ABCC11: variants seen among roughly 807,000 people sequenced by gnomAD.
ABCC11 encodes ATP-binding cassette sub-family C member 11.
Under a neutral mutation model 149.3 loss-of-function variants are expected in ABCC11, and 135 were observed. That is an observed-to-expected ratio of 0.90 (90% CI 0.79 to 1.04). The LOEUF (loss-of-function observed/expected upper bound fraction) is 1.04. Ranked by LOEUF, ABCC11 falls within the 50% of genes least tolerant of loss-of-function variation. ABCC11 has a pLI of 0.00. For missense variants in ABCC11, 1,680 were observed against 1,722.1 expected (o/e 0.98, Z 0.43); for synonymous variants, 665 against 671.4 (o/e 0.99, Z 0.15).
At chr16:48,231,068 AAG>A (rs1970387028) in intron 2 of ABCC11, among the ~76,000 whole-genome samples, 1 of 152,120 alleles carries the variant, frequency 6.6e-6, no homozygotes, top group South Asian at 2.1e-4. Context: ...GATTGACAGA[AAG>A]AGATTCAGAA....
chr16:48,242,214 C>A (rs912562429), intron 1 of ABCC11, among the ~76,000 whole-genome samples: 3 of 152,114 alleles, frequency 2.0e-5, no homozygotes, highest in Admixed American at 1.3e-4. Flanking sequence ...AATCAAACAA[C>A]CCCATCTAAA....
intron 7 of ABCC11, 110 bp downstream of exon 7, chr16:48,216,004 G>A (rs1969315149): frequency 8.4e-7 from 1 of 1,195,508 alleles, no homozygotes; most frequent in Admixed American, 2.0e-5. Context: ...TAACCACAAT[G>A]GATTGAAAGG....
At chr16:48,171,802 A>G (rs1965740932) in intron 26 of ABCC11, among the ~76,000 whole-genome samples, 1 of 152,070 alleles carries the variant, frequency 6.6e-6, no homozygotes, top group Non-Finnish European at 1.5e-5. Context: ...CACTCCACTA[A>G]AAATACAAAA....
chr16:48,226,573 G>A (rs755115395), intron 4 of ABCC11, among the ~76,000 whole-genome samples: 6 of 152,026 alleles, frequency 3.9e-5, no homozygotes, highest in Non-Finnish European at 7.4e-5. Context: ...CACTGCACCC[G>A]GCCAATCCAT....
chr16:48,227,953 G>A lies in ABCC11; in HGVS notation c.248C>T (p.Pro83Leu). ...PFRPKPRFPA[P>L]QPLDNAGLFS... ...CAGGCCAGCATTGTCCAGGGGCTGG[G>A]GGGCAGGAAACCTAGTAGAGGGGCC... Residue 83 changes from proline (P) to leucine (L), a missense_variant, in exon 4 of 30, where the codon CCC (proline) becomes CTC (leucine). By Grantham distance (98) the Pro-to-Leu change is moderately conservative (BLOSUM62 -3). Coordinates refer to ENST00000356608, the MANE Select transcript of ABCC11 (RefSeq NM_001370497.1). 1.9e-6 allele frequency: 3 copies of A among 1,612,184 alleles called. No individual in the cohort carries two copies. The highest frequency in any genetic ancestry group is 2.5e-6 in the Non-Finnish European group (3 of 1,179,036).
At position 48,175,260 on chromosome 16, in the gene ABCC11, G is replaced by T. The variant is rs764733224; in HGVS notation, c.3696C>A (p.Ile1232=). 6.2e-7 allele frequency: 1 copy of T among 1,608,868 alleles called. No individual in the cohort carries two copies. The highest frequency in any genetic ancestry group is 2.2e-5 in the East Asian group (1 of 44,702). Residue 1232 remains isoleucine, a splice_region_variant and synonymous_variant, in exon 26 of 30, where the codon ATC becomes ATA. Transcript: ENST00000356608. ...CTGCCTGCTGGCCCGGCACTCACCT[G>T]ATGGTTCCTGAGAGCAGCACTGGAT... The part of the protein sequence containing the change: ...PQDPVLLSGT[I]RFNLDPFDRH...
At chr16:48,213,405 C>T in intron 10 of ABCC11, 38 bp downstream of exon 10, 1 of 1,565,452 alleles carries the variant, frequency 6.4e-7, no homozygotes, top group Non-Finnish European at 8.8e-7. Flanking sequence ...GAGGAGCGTC[C>T]AAGCAGGGGG....
chr16:48,206,078 G>A (rs1360965784), intron 12 of ABCC11, among the ~76,000 whole-genome samples: 1 of 152,160 alleles, frequency 6.6e-6, no homozygotes, highest in Non-Finnish European at 1.5e-5. Flanking sequence ...CCAAAGTGCT[G>A]GGATTACAGG....
chr16:48,224,133 A>G (rs1328670637), intron 5 of ABCC11, 149 bp downstream of exon 5: 6 of 1,055,728 alleles, frequency 5.7e-6, no homozygotes, highest in Non-Finnish European at 8.1e-6. Context: ...ACCATGCTCT[A>G]CTGTCCTCAA....
At chr16:48,227,754 A>T (rs2150909802) in intron 4 of ABCC11, 52 bp downstream of exon 4, 1 of 1,609,444 alleles carries the variant, frequency 6.2e-7, no homozygotes, top group Non-Finnish European at 8.5e-7. Context: ...TCATTATCCC[A>T]CCAAGAGATT....
chr16:48,218,217 G>T (rs1482175601), intron 6 of ABCC11, among the ~76,000 whole-genome samples: 2 of 152,102 alleles, frequency 1.3e-5, no homozygotes, highest in Non-Finnish European at 2.9e-5. Context: ...GATTGCTGGA[G>T]CCCAGGAGGT....
rs1354784680 is a variant in ABCC11 at position 48,230,485 on chromosome 16, T to G, written c.188A>C (p.Lys63Thr). 1.9e-6 allele frequency: 3 copies of G among 1,612,572 alleles called. No individual in the cohort carries two copies. Among genetic ancestry groups the G allele is most frequent in the East Asian group, 2.2e-5 (1 of 44,830 alleles). The change falls in exon 3 of 30, where the codon AAG becomes ACG. Residue 63 changes from lysine (K) to threonine (T), a missense_variant. Lys to Thr is a moderately conservative substitution (Grantham distance 78). Coordinates refer to ENST00000356608, the MANE Select transcript of ABCC11 (RefSeq NM_001370497.1). ...PGRAAVPPWG[K>T]YDAALRTMIP... ...CATGGTTCTCAAGGCAGCATCATAC[T>G]TCCCCCACGGTGGGACAGCTGCCCT...
intron 23 of ABCC11, among the ~76,000 whole-genome samples, chr16:48,180,768 C>A (rs142633055): frequency 6.6e-6 from 1 of 152,090 alleles, no homozygotes; most frequent in African/African-American, 2.4e-5. Context: ...GGCTTCTGAA[C>A]GGGGCAGTGA....
chr16:48,202,768 A>G (rs1477221245), intron 14 of ABCC11, among the ~76,000 whole-genome samples: 1 of 152,212 alleles, frequency 6.6e-6, no homozygotes, highest in Non-Finnish European at 1.5e-5. Flanking sequence ...TTATTAGACC[A>G]TTAATATCAA....
intron 23 of ABCC11, among the ~76,000 whole-genome samples, chr16:48,180,585 T>G (rs898386793): frequency 2.6e-5 from 4 of 152,212 alleles, no homozygotes; most frequent in African/African-American, 9.7e-5. Context: ...AGAAGCCTCT[T>G]GGGGCTGCAA....
intron 14 of ABCC11, among the ~76,000 whole-genome samples, chr16:48,201,171 A>G (rs1967938546): frequency 6.6e-6 from 1 of 152,248 alleles, no homozygotes; most frequent in South Asian, 2.1e-4. Flanking sequence ...CAATTTTTCT[A>G]AACCTATCAA....
chr16:48,225,415 G>C (rs1970009002), intron 4 of ABCC11, among the ~76,000 whole-genome samples: 1 of 152,152 alleles, frequency 6.6e-6, no homozygotes, highest in Non-Finnish European at 1.5e-5. Context: ...GTTTCCCCTT[G>C]TCTGCATTTC....
intron 8 of ABCC11, 49 bp from the exon 9 acceptor site, chr16:48,215,078 C>T: frequency 6.2e-7 from 1 of 1,606,186 alleles, no homozygotes; most frequent in Non-Finnish European, 8.5e-7. Flanking sequence ...AGAACATTCT[C>T]CAAAGAGCAC....
rs1236622272 is a variant in ABCC11 at position 48,166,153 on chromosome 16, CCCAT to C, written c.*1117_*1120del. Among the ~76,000 whole-genome samples, 1 of 152,200 alleles carries C rather than the reference CCCAT, an allele frequency of 6.6e-6. No homozygotes were observed. The highest frequency in any genetic ancestry group is 1.5e-5 in the Non-Finnish European group (1 of 68,046). ...GTCTACATGATCTAGGGCAGCAAAT[CCCAT>C]CCCCAGGCCCAAATATGGGCATGTG... On this transcript the variant is annotated 3_prime_UTR_variant, in exon 30 of 30. Coordinates refer to ENST00000356608, the MANE Select transcript of ABCC11 (RefSeq NM_001370497.1).
Sources: gnomAD v4.1 joint callset for allele counts (sites outside exome capture counted in the v4.1 genomes callset) on GRCh38, gnomAD v4.1.1 for gene constraint, MANE v1.5 for transcripts, NCBI Gene and HGNC (gene_info 2026-07-23, HGNC 2026-07-21) for gene names.